The following METTL9 variants were observed in gnomAD, a reference collection of about 807,000 sequenced individuals.
METTL9 encodes the protein protein-L-histidine N-pros-methyltransferase.
A neutral mutation model predicts 36.0 loss-of-function variants in METTL9; 10 were observed. The observed-to-expected ratio is 0.28, with a 90% confidence interval of 0.17 to 0.47. The LOEUF (loss-of-function observed/expected upper bound fraction) is 0.47. Among genes scored for constraint, METTL9 ranks in the 20% least tolerant of loss-of-function variants. The pLI is 0.99. For synonymous variants in METTL9, 175 were observed against 149.7 expected (o/e 1.17, Z -1.23); for missense variants, 246 against 383.5 (o/e 0.64, Z 3.00).
chr16:21,632,441 G>A (rs912049150), intron 4 of METTL9, among the ~76,000 whole-genome samples: 5 of 152,058 alleles, frequency 3.3e-5, no homozygotes, highest in Admixed American at 2.6e-4. Context: ...AACTTCCATC[G>A]GTATATAGGT....
At chr16:21,600,314 C>A (rs1307208943) in intron 1 of METTL9, among the ~76,000 whole-genome samples, 1 of 152,174 alleles carries the variant, frequency 6.6e-6, no homozygotes, top group Non-Finnish European at 1.5e-5. Context: ...CCCCGAGAAA[C>A]AAAACGAAAA....
intron 3 of METTL9, among the ~76,000 whole-genome samples, chr16:21,623,298 T>C (rs1408153000): frequency 6.6e-6 from 1 of 152,178 alleles, no homozygotes; most frequent in Non-Finnish European, 1.5e-5. Context: ...GAAAAGAAAA[T>C]GCAGCTAAGT....
At chr16:21,601,195 A>C (rs1344084671) in intron 1 of METTL9, among the ~76,000 whole-genome samples, 1 of 152,188 alleles carries the variant, frequency 6.6e-6, no homozygotes, top group Non-Finnish European at 1.5e-5. Context: ...TTAGGAATGT[A>C]TGTAAACTTA....
chr16:21,601,066 A>G (rs1255035107), intron 1 of METTL9, among the ~76,000 whole-genome samples: 1 of 152,186 alleles, frequency 6.6e-6, no homozygotes. Context: ...TAATATGTAT[A>G]TTGGGCTTTT....
At position 21,599,606 on chromosome 16, in the gene METTL9, G is replaced by C. The variant is rs1965044059; in HGVS notation, c.-128G>C. ...CCACCCCCAGCCTTTGCCCTGAAGG[G>C]GGCTGGATGGGCAAGGCGGCCGCGA... On this transcript the variant is annotated 5_prime_UTR_variant, in exon 1 of 5. Transcript: ENST00000358154. This position sits in a 1 kb window ranked among gnomAD's most constrained non-coding sequence, Gnocchi z 4.4. 1 of 1,327,524 alleles carries C rather than the reference G, an allele frequency of 7.5e-7. No homozygotes were observed. The highest frequency in any genetic ancestry group is 9.6e-7 in the Non-Finnish European group (1 of 1,047,050). 82.2% of individuals were successfully genotyped at this position (1,327,524 alleles called of 1,614,324 possible).
chr16:21,608,465 G>T (rs1461570530), intron 1 of METTL9, among the ~76,000 whole-genome samples: 2 of 152,152 alleles, frequency 1.3e-5, no homozygotes, highest in African/African-American at 4.8e-5. Flanking sequence ...AGGCCAGCGA[G>T]TCCATCTTTT....
intron 3 of METTL9, among the ~76,000 whole-genome samples, chr16:21,620,663 A>ACAG (rs1253129351): frequency 1.3e-5 from 2 of 152,198 alleles, no homozygotes; most frequent in Admixed American, 1.3e-4. Context: ...TCCCTAATAT[A>ACAG]CAGCACATAA....
chr16:21,598,133 GA>G, upstream of METTL9: 1 of 152,222 alleles, frequency 6.6e-6, no homozygotes. Context: ...GGCGGATCAC[GA>G]GGTCAAGAGA....
At chr16:21,655,135 C>T (rs1966673047) in intron 4 of METTL9, 92 bp from the exon 5 acceptor site, 3 of 1,182,180 alleles carry the variant, frequency 2.5e-6, no homozygotes, top group Non-Finnish European at 3.6e-6. Flanking sequence ...TTGGAACGTA[C>T]CAAGTCCTTG....
intron 4 of METTL9, among the ~76,000 whole-genome samples, chr16:21,638,461 A>G (rs73547874): frequency 6.6e-6 from 1 of 152,332 alleles, no homozygotes; most frequent in African/African-American, 2.4e-5. Context: ...TACATATCTC[A>G]ATTTAAATGC....
At chr16:21,637,247 C>T (rs949595695) in intron 4 of METTL9, among the ~76,000 whole-genome samples, 28 of 152,134 alleles carry the variant, frequency 1.8e-4, no homozygotes, top group Non-Finnish European at 2.6e-4. Context: ...CTGATTCGTC[C>T]GTTTTGACAG....
At position 21,599,909 on chromosome 16, in the gene METTL9, G is replaced by C. The variant is rs2152891754; in HGVS notation, c.165+11G>C. Reference sequence around the variant, plus strand: ...AAGGAGAACCACCAGGTACGGGCTGGGGCCGGGGCCGGGGCGGGGGCGTGG... The same window carrying C: ...AAGGAGAACCACCAGGTACGGGCTGCGGCCGGGGCCGGGGCGGGGGCGTGG... On this transcript the variant is annotated intron_variant, in intron 1 of 4. Transcript: ENST00000358154. This position sits in a 1 kb window ranked among gnomAD's most constrained non-coding sequence, Gnocchi z 4.4. The C allele has an allele frequency of 7.3e-7, 1 of 1,369,402 alleles. No homozygotes were observed. Among genetic ancestry groups the C allele is most frequent in the Non-Finnish European group, 9.4e-7 (1 of 1,065,080 alleles). The allele number at this position is 1,369,402 out of a possible 1,614,324, so 84.8% of individuals were successfully genotyped here. A position where few individuals can be genotyped will look rare whatever the true frequency, so the allele number is the denominator to read the frequency against.
chr16:21,643,278 A>G, intron 4 of METTL9: 2 of 711,280 alleles, frequency 2.8e-6, no homozygotes, highest in Non-Finnish European at 4.9e-6. Context: ...CCCCCAACAC[A>G]TATGTGCCTA....
chr16:21,621,999 C>G (rs544587186), intron 3 of METTL9, among the ~76,000 whole-genome samples: 1 of 151,390 alleles, frequency 6.6e-6, no homozygotes, highest in African/African-American at 2.4e-5. Flanking sequence ...CATGCTGCCA[C>G]GCCCAGCTAA....
chr16:21,621,380 C>T (rs1247381301), intron 3 of METTL9, among the ~76,000 whole-genome samples: 4 of 151,574 alleles, frequency 2.6e-5, no homozygotes, highest in Non-Finnish European at 5.9e-5. Flanking sequence ...GGCTGGAGTG[C>T]AGTGGCACAA....
intron 4 of METTL9, chr16:21,639,674 AAC>A (rs893630882): frequency 3.4e-4 from 51 of 152,206 alleles, no homozygotes; most frequent in African/African-American, 1.2e-3. Context: ...CCGTATACAA[AAC>A]ACATGTGGCC....
intron 1 of METTL9, among the ~76,000 whole-genome samples, chr16:21,608,777 AACCCT>A (rs2152893202): frequency 6.6e-6 from 1 of 152,318 alleles, no homozygotes. Flanking sequence ...AAGGCTGAGA[AACCCT>A]GGCTTACAGG....
chr16:21,641,467 G>A, intron 4 of METTL9: 1 of 870,474 alleles, frequency 1.1e-6, no homozygotes, highest in Non-Finnish European at 1.8e-6. Context: ...GATGATATAT[G>A]TTCATTAACA....
At chr16:21,599,566 G>A (rs73545877), upstream of METTL9, 4,368 of 1,284,382 alleles carry the variant, frequency 3.4e-3, 121 homozygotes, top group African/African-American at 0.061. The surrounding 1 kb of genome is among the most constrained non-coding windows in gnomAD (Gnocchi z 4.4). Context: ...GAGGCTGCGC[G>A]CCGGCTGCTC....
Sources: gnomAD v4.1 joint callset for allele counts (sites outside exome capture counted in the v4.1 genomes callset) on GRCh38, gnomAD v4.1.1 for gene constraint, Gnocchi (gnomAD v3.1) non-coding constraint, MANE v1.5 for transcripts, NCBI Gene and HGNC (gene_info 2026-07-23, HGNC 2026-07-21) for gene names.